The following TMEM50B variants were observed in gnomAD, a reference collection of about 807,000 sequenced individuals.
TMEM50B encodes the protein transmembrane protein 50B.
In TMEM50B, 14 loss-of-function variants were observed where a neutral mutation model predicts 23.4. That is an observed-to-expected ratio of 0.60 (90% CI 0.39 to 0.93). The LOEUF (loss-of-function observed/expected upper bound fraction) is 0.93. Ranked by LOEUF, TMEM50B falls within the 40% of genes least tolerant of loss-of-function variation. The pLI is 0.00. For synonymous variants in TMEM50B, 64 were observed against 62.3 expected, an observed-to-expected ratio of 1.03 and a Z score of -0.13; for missense variants, 159 against 193.0, an observed-to-expected ratio of 0.82 and a Z score of 1.04.
chr21:33,462,327 G>A (rs1329401789), intron 4 of TMEM50B, among the ~76,000 whole-genome samples: 2 of 152,000 alleles, frequency 1.3e-5, no homozygotes, highest in Non-Finnish European at 2.9e-5. Context: ...TGCACTATAT[G>A]CACAATATAA....
chr21:33,451,310 T>C (rs1298519584), intron 6 of TMEM50B, among the ~76,000 whole-genome samples: 3 of 152,182 alleles, frequency 2.0e-5, no homozygotes, highest in African/African-American at 2.4e-5. Context: ...AAATAATTAT[T>C]GTGCACTGAA....
At chr21:33,479,055 G>T in intron 1 of TMEM50B, 1 of 332,150 alleles carries the variant, frequency 3.0e-6, no homozygotes. Flanking sequence ...GCAGCGGGGA[G>T]CAGCCCAGCC....
intron 1 of TMEM50B, among the ~76,000 whole-genome samples, chr21:33,472,770 G>A (rs2084329573): frequency 6.6e-6 from 1 of 151,892 alleles, no homozygotes; most frequent in Non-Finnish European, 1.5e-5. Context: ...TACTTGGGAG[G>A]CTGAGGCAGG....
At chr21:33,442,932 C>A (rs987837839) in intron 7 of TMEM50B, among the ~76,000 whole-genome samples, 6 of 147,148 alleles carry the variant, frequency 4.1e-5, no homozygotes, top group South Asian at 2.2e-4. Flanking sequence ...AAAAAAAAAA[C>A]AAAACAAATC....
intron 4 of TMEM50B, among the ~76,000 whole-genome samples, chr21:33,464,790 G>C (rs1207859456): frequency 2.4e-5 from 2 of 82,098 alleles, no homozygotes; most frequent in Non-Finnish European, 2.7e-5. Flanking sequence ...GGAAAGAAGA[G>C]CTAAACTCCG....
chr21:33,440,964 T>G (rs1202146401), intron 7 of TMEM50B, among the ~76,000 whole-genome samples: 3 of 152,014 alleles, frequency 2.0e-5, no homozygotes, highest in Non-Finnish European at 4.4e-5. Context: ...GCACGGCGGC[T>G]CACACCTGTA....
Position 33,465,416 on chromosome 21 carries a change from C to A in TMEM50B, c.213-7G>T, listed in dbSNP as rs8130421. On this transcript the variant is annotated splice_polypyrimidine_tract_variant and splice_region_variant and intron_variant, in intron 3 of 6. Transcript: ENST00000542230. ...ATTGGATACAGCATTTATCCTAGAA[C>A]GGCACAAAATCATCAAATGAATTTC... The A allele has an allele frequency of 3.7e-6, 6 of 1,606,074 alleles. No individual in the cohort carries two copies. The highest frequency in any genetic ancestry group is 1.9e-4 in the Middle Eastern group (1 of 5,364).
intron 1 of TMEM50B, among the ~76,000 whole-genome samples, chr21:33,478,359 C>T (rs966016377): frequency 2.0e-5 from 3 of 150,228 alleles, no homozygotes. Flanking sequence ...CCCAGCTACT[C>T]GGGAGGCTGA....
chr21:33,451,013 T>G, intron 6 of TMEM50B, 150 bp from the exon 7 acceptor site: 1 of 618,550 alleles, frequency 1.6e-6, no homozygotes, highest in Admixed American at 3.1e-5. Flanking sequence ...TGGTCTTAAT[T>G]TGCTTATTTT....
chr21:33,470,761 G>A (rs2084308054), intron 1 of TMEM50B, among the ~76,000 whole-genome samples: 2 of 151,722 alleles, frequency 1.3e-5, no homozygotes, highest in Admixed American at 6.6e-5. Context: ...ATGGTAGCAT[G>A]CACCTGTAAT....
downstream of TMEM50B, among the ~76,000 whole-genome samples, chr21:33,447,417 G>C (rs1331622470): frequency 6.6e-6 from 1 of 152,058 alleles, no homozygotes; most frequent in Admixed American, 6.6e-5. Context: ...CGGCGTTCCA[G>C]CCTGGGCAAG....
rs3057402 is a variant in TMEM50B, at chr21:33,468,066, T to TAAAAAA, written c.99+715_99+720dup. Among the ~76,000 whole-genome samples the TAAAAAA allele has an allele frequency of 1.3e-3, 167 of 131,414 alleles. 7 individuals are homozygous for TAAAAAA. The highest frequency in any genetic ancestry group is 8.6e-3 in the East Asian group (40 of 4,652). 86.2% of individuals were successfully genotyped at this position (131,414 alleles called of 152,430 possible). A position where few individuals can be genotyped will look rare whatever the true frequency, so the allele number is the denominator to read the frequency against. ...ACAACATAGCAAGACCTCGTCTCTT[T>TAAAAAA]AAAAAAAAAAAAAAAAGTGCGGACA... On this transcript the variant is annotated intron_variant, in intron 2 of 6. Transcript: ENST00000542230.
chr21:33,471,497 T>C (rs1022521817), intron 1 of TMEM50B, among the ~76,000 whole-genome samples: 7 of 152,158 alleles, frequency 4.6e-5, no homozygotes, highest in African/African-American at 1.7e-4. Flanking sequence ...ATAAAAATCA[T>C]ATTCAAGGAC....
intron 3 of TMEM50B, 119 bp downstream of exon 3, chr21:33,466,891 A>G: frequency 2.8e-6 from 2 of 725,868 alleles, no homozygotes; most frequent in South Asian, 2.0e-5. Flanking sequence ...TTATGTATGT[A>G]TCATGTTAAA....
At chr21:33,477,962 C>A (rs917466558) in intron 1 of TMEM50B, among the ~76,000 whole-genome samples, 1 of 150,548 alleles carries the variant, frequency 6.6e-6, no homozygotes, top group Admixed American at 6.6e-5. Flanking sequence ...GGTGAAAACC[C>A]GTCTTTACTA....
At chr21:33,437,921 T>C (rs1469938934) in intron 8 of TMEM50B, among the ~76,000 whole-genome samples, 2 of 149,956 alleles carry the variant, frequency 1.3e-5, no homozygotes, top group Admixed American at 6.7e-5. Context: ...AGGCGGAGGT[T>C]ACCATGAGCC....
intron 3 of TMEM50B, 23 bp downstream of exon 3, chr21:33,466,987 T>G: frequency 6.3e-7 from 1 of 1,588,824 alleles, no homozygotes; most frequent in South Asian, 1.1e-5. Flanking sequence ...TCACCTTGAA[T>G]AGAGAATTAT....
chr21:33,437,037 C>A, intron 8 of TMEM50B: 1 of 1,500,014 alleles, frequency 6.7e-7, no homozygotes, highest in Non-Finnish European at 9.3e-7. Flanking sequence ...TCTGTCTGGA[C>A]TTTCCAGAGA....
chr21:33,450,968 A>G (rs1355774501), intron 6 of TMEM50B, 105 bp from the exon 7 acceptor site: 1 of 899,930 alleles, frequency 1.1e-6, no homozygotes, highest in African/African-American at 1.7e-5. Context: ...GATTCCTATC[A>G]ATTTTAAAAA....
Sources: gnomAD v4.1 joint callset for allele counts (sites outside exome capture counted in the v4.1 genomes callset) on GRCh38, gnomAD v4.1.1 for gene constraint, MANE v1.5 for transcripts, NCBI Gene and HGNC (gene_info 2026-07-23, HGNC 2026-07-21) for gene names.